Variants in CAMK2D observed in about 807,000 individuals in gnomAD.
CAMK2D encodes the protein calcium/calmodulin-dependent protein kinase type II subunit delta.
A neutral mutation model predicts 84.0 loss-of-function variants in CAMK2D; 37 were observed. That is an observed-to-expected ratio of 0.44 (90% CI 0.34 to 0.58). CAMK2D has a LOEUF of 0.58. Among genes scored for constraint, CAMK2D ranks in the 20% least tolerant of loss-of-function variants. CAMK2D has a pLI of 0.02. For synonymous variants in CAMK2D, 202 were observed against 212.5 expected (o/e 0.95, Z 0.43); for missense variants, 448 against 652.5 (o/e 0.69, Z 3.41).
chr4:113,700,595 T>C (rs953248420), intron 2 of CAMK2D, among the ~76,000 whole-genome samples: 6 of 151,756 alleles, frequency 4.0e-5, no homozygotes, highest in Non-Finnish European at 5.9e-5. Context: ...AAAACCAGAG[T>C]AGTGTAAGAC....
intron 4 of CAMK2D, among the ~76,000 whole-genome samples, chr4:113,598,342 AT>A (rs1344691873): frequency 1.3e-5 from 2 of 152,000 alleles, no homozygotes; most frequent in Non-Finnish European, 2.9e-5. Context: ...TTAAAAAAAA[AT>A]GAATGCAGAC....
At chr4:113,641,361 T>C (rs749806142) in intron 3 of CAMK2D, among the ~76,000 whole-genome samples, 3 of 152,218 alleles carry the variant, frequency 2.0e-5, no homozygotes, top group African/African-American at 4.8e-5. Flanking sequence ...ACAGAGCACA[T>C]AGTAAAGGCT....
At chr4:113,737,530 A>C (rs1339407106) in intron 2 of CAMK2D, among the ~76,000 whole-genome samples, 2 of 152,172 alleles carry the variant, frequency 1.3e-5, no homozygotes, top group Non-Finnish European at 2.9e-5. Context: ...GTTCTAGTGA[A>C]GGAAGACAAA....
intron 18 of CAMK2D, among the ~76,000 whole-genome samples, chr4:113,459,638 C>CT (rs35827287): frequency 0.32 from 43,108 of 133,320 alleles, 7,496 homozygotes; most frequent in African/African-American, 0.41. Context: ...ATCAACATTA[C>CT]TTTTTTTTTT....
At chr4:113,496,998 G>A (rs1219520854) in intron 16 of CAMK2D, among the ~76,000 whole-genome samples, 1 of 152,016 alleles carries the variant, frequency 6.6e-6, no homozygotes, top group Non-Finnish European at 1.5e-5. Context: ...AGCTTGGGAA[G>A]AAAAATGTGG....
At chr4:113,542,756 C>A (rs116082776) in intron 6 of CAMK2D, among the ~76,000 whole-genome samples, 35 of 152,132 alleles carry the variant, frequency 2.3e-4, no homozygotes, top group South Asian at 6.2e-4. Flanking sequence ...TCATCTCCCC[C>A]CTTCCCTGAA....
In CAMK2D at chr4:113,759,084, G is replaced by T. The variant is rs182958096; in HGVS notation, c.160+236C>A. The T allele has an allele frequency of 2.1e-3, 579 of 275,702 alleles. 2 individuals are homozygous for T. The highest frequency in any genetic ancestry group is 3.0e-3 in the Non-Finnish European group (443 of 149,888). 17.1% of individuals were successfully genotyped at this position (275,702 alleles called of 1,614,324 possible). ...TTAAAATATAGTTATTCATGCTATTGCTCATAGGACAGATAGAATTTTAAT... is the reference window on the plus strand; with the variant it reads ...TTAAAATATAGTTATTCATGCTATTTCTCATAGGACAGATAGAATTTTAAT... On this transcript the variant is annotated intron_variant, in intron 2 of 20. Transcript: ENST00000511664.
chr4:113,525,801 T>C (rs1254553047), intron 8 of CAMK2D, among the ~76,000 whole-genome samples: 1 of 152,200 alleles, frequency 6.6e-6, no homozygotes, highest in Non-Finnish European at 1.5e-5. Flanking sequence ...TTCTGAGTAG[T>C]GTAATTTTTT....
Position 113,738,637 on chromosome 4 carries a change from C to T in CAMK2D, c.160+20683G>A, listed in dbSNP as rs142042943. On this transcript the variant is annotated intron_variant, in intron 2 of 20. Coordinates refer to ENST00000511664, the MANE Select transcript of CAMK2D (RefSeq NM_001321571.2). ...TGTATCTCCTTCTTAAGAATCCTGT[C>T]TATATATGTATATATCTCCATATAC... Among the ~76,000 whole-genome samples the T allele has an allele frequency of 5.3e-3, 806 of 152,058 alleles. 6 individuals carry two copies. Among genetic ancestry groups the T allele is most frequent in the African/African-American group, 0.018 (762 of 41,472 alleles).
intron 2 of CAMK2D, among the ~76,000 whole-genome samples, chr4:113,734,247 T>G (rs1246377919): frequency 1.3e-5 from 2 of 152,188 alleles, no homozygotes; most frequent in Non-Finnish European, 2.9e-5. Context: ...AGAGATTAGT[T>G]CAGTTGTTTC....
At chr4:113,728,080 C>T (rs1483135265) in intron 2 of CAMK2D, among the ~76,000 whole-genome samples, 1 of 152,142 alleles carries the variant, frequency 6.6e-6, no homozygotes, top group Non-Finnish European at 1.5e-5. Flanking sequence ...AATGGTACAA[C>T]CACTTGAGAC....
chr4:113,761,232 G>T lies in CAMK2D; in HGVS notation c.-164C>A. On this transcript the variant is annotated 5_prime_UTR_variant, in exon 1 of 21. Coordinates refer to ENST00000511664, the MANE Select transcript of CAMK2D (RefSeq NM_001321571.2). ...GAGGGAGTGTGCGCAGGGGCGGGGC[G>T]GGAGGGGAGATGACCAGAAAGGGTG... is the stretch of plus-strand genomic sequence containing the variant. The T allele has an allele frequency of 6.7e-7, 1 of 1,485,182 alleles. No homozygotes were observed. The highest frequency in any genetic ancestry group is 8.9e-7 in the Non-Finnish European group (1 of 1,120,826). The allele number at this position is 1,485,182 out of a possible 1,614,324, so 92.0% of individuals were successfully genotyped here. A position where few individuals can be genotyped will look rare whatever the true frequency, so the allele number is the denominator to read the frequency against.
At chr4:113,670,513 C>T (rs1373218351) in intron 2 of CAMK2D, among the ~76,000 whole-genome samples, 3 of 151,796 alleles carry the variant, frequency 2.0e-5, no homozygotes, top group African/African-American at 7.3e-5. Context: ...TTATAGAGGA[C>T]TGATGAGATA....
At chr4:113,675,673 T>C (rs2099315450) in intron 2 of CAMK2D, among the ~76,000 whole-genome samples, 1 of 152,206 alleles carries the variant, frequency 6.6e-6, no homozygotes, top group Admixed American at 6.5e-5. Context: ...ATGCGACTAC[T>C]ATGTAATTAA....
intron 2 of CAMK2D, among the ~76,000 whole-genome samples, chr4:113,689,628 T>G (rs929480521): frequency 9.2e-5 from 14 of 152,216 alleles, no homozygotes; most frequent in African/African-American, 3.4e-4. Flanking sequence ...GGCTTAAATA[T>G]TCTCCCCTTG....
chr4:113,498,510 C>T (rs2097976138), intron 16 of CAMK2D, among the ~76,000 whole-genome samples: 1 of 152,140 alleles, frequency 6.6e-6, no homozygotes, highest in Non-Finnish European at 1.5e-5. Context: ...TAAGCAGAAA[C>T]TTAAATAATG....
intron 2 of CAMK2D, among the ~76,000 whole-genome samples, chr4:113,688,234 G>C (rs1379341224): frequency 1.3e-5 from 2 of 152,086 alleles, no homozygotes; most frequent in African/African-American, 4.8e-5. Flanking sequence ...TCTGCCAAAC[G>C]TGTGTCCCTC....
At chr4:113,692,020 T>C (rs1038053844) in intron 2 of CAMK2D, among the ~76,000 whole-genome samples, 1 of 152,172 alleles carries the variant, frequency 6.6e-6, no homozygotes, top group African/African-American at 2.4e-5. Flanking sequence ...CGAGCAAGAA[T>C]TAAAATGCTG....
chr4:113,706,940 A>G (rs545963798), intron 2 of CAMK2D, among the ~76,000 whole-genome samples: 2 of 152,300 alleles, frequency 1.3e-5, no homozygotes, highest in Non-Finnish European at 1.5e-5. Context: ...TTTCACATCA[A>G]AATATCCTTC....
Sources: allele counts gnomAD v4.1 joint callset (sites outside exome capture counted in the v4.1 genomes callset), GRCh38; gene constraint gnomAD v4.1.1; transcripts MANE v1.5; gene names NCBI Gene and HGNC (gene_info 2026-07-23, HGNC 2026-07-21).